Variants in GPR146 observed in about 807,000 individuals in gnomAD.
The protein encoded by GPR146 is G-protein coupled receptor 146.
For synonymous variants in GPR146, 203 were observed against 104.3 expected, an observed-to-expected ratio of 1.95 and a Z score of -5.77; for missense variants, 381 against 213.9, an observed-to-expected ratio of 1.78 and a Z score of -4.87.
chr7:1,055,237 C>G (rs1303470671), intron 1 of GPR146: 2 of 471,044 alleles, frequency 4.2e-6, no homozygotes, highest in Admixed American at 4.7e-5. Flanking sequence ...GGCGGTGGCG[C>G]CTGCCAAGGG....
chr7:1,049,804 T>C (rs1782922883), intron 1 of GPR146, among the ~76,000 whole-genome samples: 3 of 152,200 alleles, frequency 2.0e-5, no homozygotes, highest in African/African-American at 7.2e-5. Context: ...TTCGGTCAAA[T>C]TTTGGGCACC....
intron 1 of GPR146, among the ~76,000 whole-genome samples, chr7:1,054,838 G>A (rs372931997): frequency 1.0e-3 from 157 of 152,348 alleles, no homozygotes; most frequent in Non-Finnish European, 1.7e-3. Flanking sequence ...CTCTGCTTCC[G>A]ACCTGAACCT....
chr7:1,052,249 C>T lies in GPR146; in HGVS notation c.-24-5243C>T, dbSNP rs946112784. ...CTCTGAGCAGGCGCCTGCGTCGAGG[C>T]GTGCCCTCCTGAGAGGCAAGGCTGA... is the stretch of plus-strand genomic sequence containing the variant. On this transcript the variant is annotated intron_variant, in intron 1 of 1. Transcript: ENST00000444847. This position sits in a 1 kb window ranked among gnomAD's most constrained non-coding sequence, Gnocchi z 4.2. 3.6e-4 allele frequency among the ~76,000 whole-genome samples: 55 copies of T among 152,234 alleles called. No individual in the cohort carries two copies. Among genetic ancestry groups the T allele is most frequent in the Admixed American group, 2.7e-3 (42 of 15,286 alleles).
Position 1,052,621 on chromosome 7 carries a change from T to A in GPR146, c.-24-4871T>A, listed in dbSNP as rs1332493607. ...GGGGAGAAGCTGGTGGTCAAGCTGG[T>A]GGTCTCTCAGTGCAAGGGTGGGGCT... is the stretch of plus-strand genomic sequence containing the variant. On this transcript the variant is annotated intron_variant, in intron 1 of 1. Transcript: ENST00000444847. The surrounding 1 kb of genome is among the most constrained non-coding windows in gnomAD (Gnocchi z 4.2). Among the ~76,000 whole-genome samples the A allele has an allele frequency of 2.0e-5, 3 of 151,886 alleles. No individual in the cohort carries two copies. Among genetic ancestry groups the A allele is most frequent in the Non-Finnish European group, 4.4e-5 (3 of 67,962 alleles).
chr7:1,053,925 C>G (rs1197626666), intron 1 of GPR146, among the ~76,000 whole-genome samples: 2 of 152,242 alleles, frequency 1.3e-5, no homozygotes, highest in African/African-American at 4.8e-5. Context: ...CAAACCAGCT[C>G]CTGGAGGGCA....
At chr7:1,056,873 T>A (rs550521194) in intron 1 of GPR146, 1 of 7,076 alleles carries the variant, frequency 1.4e-4, no homozygotes, top group African/African-American at 5.0e-4. Context: ...GGTGGGGGGG[T>A]GGGGGTGGCG....
chr7:1,045,736 T>G (rs749099475), intron 1 of GPR146: 1 of 152,264 alleles, frequency 6.6e-6, no homozygotes, highest in African/African-American at 2.4e-5. Flanking sequence ...GTTGTCTTCC[T>G]CAATGAAGAA....
intron 1 of GPR146, among the ~76,000 whole-genome samples, chr7:1,051,147 G>T (rs1783075239): frequency 6.6e-6 from 1 of 152,262 alleles, no homozygotes; most frequent in African/African-American, 2.4e-5. Context: ...CAAGCAGCGT[G>T]TGGGCAGAGG....
At chr7:1,053,563 C>G in intron 1 of GPR146, among the ~76,000 whole-genome samples, 1 of 152,232 alleles carries the variant, frequency 6.6e-6, no homozygotes, top group East Asian at 1.9e-4. Context: ...CATGGTGGCT[C>G]ACGTCTGTAA....
chr7:1,053,559 G>A (rs1783378654), intron 1 of GPR146, among the ~76,000 whole-genome samples: 2 of 152,244 alleles, frequency 1.3e-5, no homozygotes, highest in South Asian at 4.1e-4. Flanking sequence ...TGGGCATGGT[G>A]GCTCACGTCT....
rs142169372 is a variant in GPR146 at position 1,058,084 on chromosome 7, C to T, written c.569C>T (p.Thr190Met). ...KMQNAEAADATLVFIGYVVPA... is the reference protein window; with the variant it reads ...KMQNAEAADAMLVFIGYVVPA... ...CAGAACGCAGAAGCTGCCGACGCCA[C>T]GCTGGTGTTCATCGGCTACGTGGTG... is the stretch of plus-strand genomic sequence containing the variant. The change falls in exon 2 of 2, where the codon ACG becomes ATG. Residue 190 changes from threonine to methionine, a missense_variant. Transcript: ENST00000444847. 15 of 766,536 alleles carry T rather than the reference C, an allele frequency of 2.0e-5. No homozygotes were observed. Among genetic ancestry groups the T allele is most frequent in the East Asian group, 1.5e-4 (6 of 41,232 alleles). 47.5% of individuals were successfully genotyped at this position (766,536 alleles called of 1,614,324 possible).
intron 1 of GPR146, chr7:1,055,494 G>A (rs1783636260): frequency 2.2e-6 from 1 of 454,738 alleles, no homozygotes; most frequent in South Asian, 1.6e-5. Flanking sequence ...GTGAGAGCCT[G>A]TGGTGCCCGC....
chr7:1,048,850 T>C (rs1340395523), intron 1 of GPR146, among the ~76,000 whole-genome samples: 2 of 152,180 alleles, frequency 1.3e-5, no homozygotes, highest in Non-Finnish European at 2.9e-5. Context: ...TGGAGCAGGT[T>C]CTCCTTCTCA....
At position 1,058,496 on chromosome 7, in the gene GPR146, G is replaced by A. The variant is rs199532031; in HGVS notation, c.981G>A (p.Gly327=). The A allele has an allele frequency of 1.9e-5, 15 of 779,596 alleles. No individual in the cohort carries two copies. Among genetic ancestry groups the A allele is most frequent in the Middle Eastern group, 2.2e-4 (1 of 4,464 alleles). The allele number at this position is 779,596 out of a possible 1,614,324, so 48.3% of individuals were successfully genotyped here. A position where few individuals can be genotyped will look rare whatever the true frequency, so the allele number is the denominator to read the frequency against. The change falls in exon 2 of 2, where the codon GGG becomes GGA. Residue 327 remains glycine, a synonymous_variant. Coordinates refer to ENST00000444847, the MANE Select transcript of GPR146 (RefSeq NM_001303473.2). Reference sequence around the variant, plus strand: ...GGCACTGCTCCCCGGACCACATGGGGGTGCAGCAGGTGCTGGCGTAGGCGG... The same window carrying A: ...GGCACTGCTCCCCGGACCACATGGGAGTGCAGCAGGTGCTGGCGTAGGCGG... The part of the protein sequence containing the change: ...GDRHCSPDHM[G]VQQVLA
intron 1 of GPR146, among the ~76,000 whole-genome samples, chr7:1,047,734 G>A (rs1013226527): frequency 6.6e-6 from 1 of 152,210 alleles, no homozygotes; most frequent in African/African-American, 2.4e-5. Flanking sequence ...AGTGCCTGGG[G>A]CCTCGCAGTT....
At chr7:1,057,443 G>C in intron 1 of GPR146, 49 bp from the exon 2 acceptor site, 1 of 663,540 alleles carries the variant, frequency 1.5e-6, no homozygotes, top group Non-Finnish European at 2.8e-6. Context: ...TTCTGGGCCA[G>C]GGCTTTGGGA....
chr7:1,050,596 C>T (rs1048417411), intron 1 of GPR146, among the ~76,000 whole-genome samples: 10 of 152,208 alleles, frequency 6.6e-5, no homozygotes, highest in African/African-American at 1.9e-4. Context: ...CGGACGGACG[C>T]GGGAGAGCCT....
chr7:1,054,202 A>C (rs1266667652), intron 1 of GPR146, among the ~76,000 whole-genome samples: 3 of 152,234 alleles, frequency 2.0e-5, no homozygotes, highest in African/African-American at 7.2e-5. Context: ...CTCCAGGGAG[A>C]ATGTTGGGGC....
intron 1 of GPR146, among the ~76,000 whole-genome samples, chr7:1,046,885 C>G (rs62430968): frequency 0.36 from 54,336 of 152,050 alleles, 9,867 homozygotes; most frequent in Middle Eastern, 0.44. Flanking sequence ...CCCTGGGAAA[C>G]AACCAAGGTG....
Sources: gnomAD v4.1 joint callset for allele counts (sites outside exome capture counted in the v4.1 genomes callset) on GRCh38, gnomAD v4.1.1 for gene constraint, Gnocchi (gnomAD v3.1) non-coding constraint, MANE v1.5 for transcripts, NCBI Gene and HGNC (gene_info 2026-07-23, HGNC 2026-07-21) for gene names.